The following DPP6 variants were observed in gnomAD, a reference collection of about 807,000 sequenced individuals.
DPP6 encodes dipeptidyl peptidase like 6, also known as A-type potassium channel modulatory protein DPP6.
Under a neutral mutation model 122.6 loss-of-function variants are expected in DPP6, and 69 were observed. The ratio of observed to expected loss-of-function variants is 0.56; its 90% confidence interval spans 0.46 to 0.69. DPP6 has a LOEUF of 0.69. Among genes scored for constraint, DPP6 ranks in the 30% least tolerant of loss-of-function variants. The pLI, the probability that DPP6 is intolerant of heterozygous loss-of-function variation, is 0.00. For synonymous variants in DPP6, 418 were observed against 433.1 expected (o/e 0.97, Z 0.43); for missense variants, 928 against 1,116.9 (o/e 0.83, Z 2.41).
intron 3 of DPP6, among the ~76,000 whole-genome samples, chr7:154,521,203 T>C (rs1586528846): frequency 6.6e-6 from 1 of 152,222 alleles, no homozygotes; most frequent in African/African-American, 2.4e-5. Flanking sequence ...CTGAGGATAT[T>C]CATTCCTGGA....
At position 154,760,956 on chromosome 7, in the gene DPP6, T is replaced by G. The variant is rs1206562416; in HGVS notation, c.884-8461T>G. Among the ~76,000 whole-genome samples the G allele has an allele frequency of 6.6e-6, 1 of 151,346 alleles. No homozygotes were observed. The highest frequency in any genetic ancestry group is 1.5e-5 in the Non-Finnish European group (1 of 67,910). ...TTCAAGCGATTCTCCTGCCTCAGCCTCCCGGATAGCTGGGACTACAGGCGC... is the reference window on the plus strand; with the variant it reads ...TTCAAGCGATTCTCCTGCCTCAGCCGCCCGGATAGCTGGGACTACAGGCGC... On this transcript the variant is annotated intron_variant, in intron 8 of 25. Transcript: ENST00000377770. The surrounding 1 kb of genome is among the most constrained non-coding windows in gnomAD (Gnocchi z 4.5).
intron 16 of DPP6, among the ~76,000 whole-genome samples, chr7:154,835,363 C>T (rs967089673): frequency 2.0e-5 from 3 of 152,280 alleles, no homozygotes; most frequent in South Asian, 2.1e-4. Context: ...ACCTTCATCT[C>T]GGACTTCTGG....
intron 1 of DPP6, among the ~76,000 whole-genome samples, chr7:153,973,388 C>A (rs1796123952): frequency 6.6e-6 from 1 of 152,204 alleles, no homozygotes; most frequent in Non-Finnish European, 1.5e-5. Flanking sequence ...TCAAGCAATT[C>A]TTTTCAAACA....
At chr7:154,085,794 C>T (rs1170256402) in intron 1 of DPP6, among the ~76,000 whole-genome samples, 1 of 152,224 alleles carries the variant, frequency 6.6e-6, no homozygotes, top group African/African-American at 2.4e-5. Flanking sequence ...ATGGCACGAT[C>T]TTGGCTCACT....
chr7:154,418,173 G>C (rs553485134), intron 1 of DPP6, among the ~76,000 whole-genome samples: 1 of 152,276 alleles, frequency 6.6e-6, no homozygotes, highest in South Asian at 2.1e-4. Flanking sequence ...CTAAACTTCT[G>C]TGTCAATTTC....
At chr7:153,867,318 T>C in the DPP6 span, among the ~76,000 whole-genome samples, 1 of 152,350 alleles carries the variant, frequency 6.6e-6, no homozygotes, top group Non-Finnish European at 1.5e-5. Flanking sequence ...TATCCTCTTT[T>C]ATTTCATTGA....
intron 1 of DPP6, among the ~76,000 whole-genome samples, chr7:154,383,791 G>T (rs2151148318): frequency 6.6e-6 from 1 of 151,374 alleles, no homozygotes; most frequent in South Asian, 2.1e-4. Flanking sequence ...TTGGGAGGCT[G>T]AGGCATGAGA....
intron 1 of DPP6, among the ~76,000 whole-genome samples, chr7:153,996,632 AT>A (rs1253337372): frequency 6.6e-6 from 1 of 151,744 alleles, no homozygotes; most frequent in East Asian, 1.9e-4. Context: ...TAGGGTGTGT[AT>A]TTTCCCTTCA....
At chr7:153,782,653 G>T in the DPP6 span, among the ~76,000 whole-genome samples, 3 of 152,140 alleles carry the variant, frequency 2.0e-5, no homozygotes, top group African/African-American at 4.8e-5. Context: ...GAAGGAGTGA[G>T]GAAAGAAGGG....
chr7:154,543,527 G>A (rs149467179), intron 4 of DPP6, among the ~76,000 whole-genome samples: 124 of 152,304 alleles, frequency 8.1e-4, no homozygotes, highest in African/African-American at 2.8e-3. Context: ...AAGATAGCTG[G>A]TGATTAAGCA....
intron 1 of DPP6, among the ~76,000 whole-genome samples, chr7:154,180,520 A>C (rs1230273728): frequency 7.5e-6 from 1 of 133,462 alleles, no homozygotes; most frequent in African/African-American, 3.5e-5. Flanking sequence ...ATATATATAA[A>C]TATATAGAGA....
At chr7:154,872,238 C>T (rs1804458552) in intron 18 of DPP6, among the ~76,000 whole-genome samples, 1 of 152,214 alleles carries the variant, frequency 6.6e-6, no homozygotes, top group Non-Finnish European at 1.5e-5. Flanking sequence ...AATATCCATC[C>T]CCAGCATCCC....
upstream of DPP6, among the ~76,000 whole-genome samples, chr7:153,883,133 C>T (rs568779120): frequency 2.6e-5 from 4 of 152,096 alleles, no homozygotes; most frequent in East Asian, 1.9e-4. Context: ...GGACCACCTT[C>T]GCATCCCTGT....
intron 1 of DPP6, among the ~76,000 whole-genome samples, chr7:154,074,499 T>C (rs1181144072): frequency 1.3e-5 from 2 of 152,176 alleles, no homozygotes; most frequent in African/African-American, 4.8e-5. Context: ...CAGAAACAAT[T>C]GGTCATATTT....
intron 1 of DPP6, among the ~76,000 whole-genome samples, chr7:153,952,744 C>G (rs1199314483): frequency 6.6e-6 from 1 of 152,206 alleles, no homozygotes; most frequent in Non-Finnish European, 1.5e-5. Context: ...AGCTAAATCT[C>G]TAGGTCATAG....
At chr7:154,503,345 T>C (rs141322081) in intron 3 of DPP6, among the ~76,000 whole-genome samples, 1 of 152,294 alleles carries the variant, frequency 6.6e-6, no homozygotes, top group East Asian at 1.9e-4. Flanking sequence ...TTGAAGCCAA[T>C]AGACAGGTAC....
At chr7:154,869,705 C>G (rs947819110) in intron 18 of DPP6, among the ~76,000 whole-genome samples, 2 of 152,198 alleles carry the variant, frequency 1.3e-5, no homozygotes, top group Non-Finnish European at 2.9e-5. Context: ...ACCACAGGTC[C>G]GGGCCAAAAA....
chr7:153,843,179 C>T, the DPP6 span, among the ~76,000 whole-genome samples: 1 of 151,716 alleles, frequency 6.6e-6, no homozygotes, highest in South Asian at 2.1e-4. Context: ...CACACGAGTG[C>T]ATACACACGC....
At chr7:153,803,407 G>A in the DPP6 span, among the ~76,000 whole-genome samples, 47 of 150,894 alleles carry the variant, frequency 3.1e-4, no homozygotes, top group African/African-American at 8.9e-4. Flanking sequence ...CCATGGAGGC[G>A]GACTCAAATA....
Sources: allele counts gnomAD v4.1 joint callset (sites outside exome capture counted in the v4.1 genomes callset), GRCh38; gene constraint gnomAD v4.1.1; non-coding constraint Gnocchi (gnomAD v3.1); transcripts MANE v1.5; gene names NCBI Gene and HGNC (gene_info 2026-07-23, HGNC 2026-07-21).